The following DPYD variants were observed in gnomAD, a reference collection of about 807,000 sequenced individuals.
The protein encoded by DPYD is dihydropyrimidine dehydrogenase.
In DPYD, 109 loss-of-function variants were observed where a neutral mutation model predicts 116.2. The observed-to-expected ratio is 0.94, with a 90% CI of 0.80 to 1.10. The LOEUF (loss-of-function observed/expected upper bound fraction) is 1.10, where lower values mean the gene tolerates loss of function less well. Among genes scored for constraint, DPYD ranks in the 50% least tolerant of loss-of-function variants. The probability of loss-of-function intolerance (pLI) is 0.00; values close to 1 mark genes in which losing one functional copy is unlikely to be tolerated. For synonymous variants in DPYD, 440 were observed against 432.0 expected (o/e 1.02, Z -0.23); for missense variants, 1,302 against 1,254.5 (o/e 1.04, Z -0.57).
At chr1:97,822,460 T>C (rs2101454213) in intron 3 of DPYD, among the ~76,000 whole-genome samples, 1 of 150,340 alleles carries the variant, frequency 6.7e-6, no homozygotes, top group African/African-American at 2.4e-5. Context: ...AATTGCCTTG[T>C]CTATTGTCTT....
At chr1:97,551,933 A>G (rs1203005755) in intron 11 of DPYD, among the ~76,000 whole-genome samples, 2 of 152,130 alleles carry the variant, frequency 1.3e-5, no homozygotes, top group East Asian at 3.8e-4. Flanking sequence ...TATTAGATAT[A>G]CCATAAGTAA....
intron 16 of DPYD, among the ~76,000 whole-genome samples, chr1:97,344,763 G>T (rs1191379295): frequency 6.6e-6 from 1 of 151,848 alleles, no homozygotes; most frequent in African/African-American, 2.4e-5. Context: ...TTTGTCTCCA[G>T]TTGTGTTATT....
At chr1:97,175,722 C>T (rs184241625) in intron 20 of DPYD, among the ~76,000 whole-genome samples, 4 of 152,296 alleles carry the variant, frequency 2.6e-5, no homozygotes, top group Non-Finnish European at 5.9e-5. Context: ...ACCTAAACCA[C>T]CTAATGCATA....
In DPYD at chr1:97,173,234, G is replaced by A. The variant is rs575295213; in HGVS notation, c.2622+19835C>T. 4.0e-3 allele frequency among the ~76,000 whole-genome samples: 431 copies of A among 106,444 alleles called. 1 individual carries two copies. The highest frequency in any genetic ancestry group is 0.013 in the African/African-American group (379 of 29,410). 69.8% of individuals were successfully genotyped at this position (106,444 alleles called of 152,430 possible). ...TATACACATATACGTACATATATGCGCACACATATATGTACATATATGCAC... is the reference window on the plus strand; with the variant it reads ...TATACACATATACGTACATATATGCACACACATATATGTACATATATGCAC... On this transcript the variant is annotated intron_variant, in intron 20 of 22. Coordinates refer to ENST00000370192, the MANE Select transcript of DPYD (RefSeq NM_000110.4).
chr1:97,546,153 G>A lies in DPYD; in HGVS notation c.1524+3407C>T, dbSNP rs909898986. On this transcript the variant is annotated intron_variant, in intron 12 of 22. Transcript: ENST00000370192. Reference sequence around the variant, plus strand: ...TGAAAAGGAGCAGTCCTTCTGTGCTGCAGAGGAACAGCCAGCAGAAGATGG... The same window carrying A: ...TGAAAAGGAGCAGTCCTTCTGTGCTACAGAGGAACAGCCAGCAGAAGATGG... The A allele has an allele frequency of 1.8e-5, 25 of 1,427,426 alleles. No individual in the cohort carries two copies. In the African/African-American group the frequency reaches 2.9e-4, roughly 17 times the overall value. 88.4% of individuals were successfully genotyped at this position (1,427,426 alleles called of 1,614,324 possible). A position where few individuals can be genotyped will look rare whatever the true frequency, so the allele number is the denominator to read the frequency against.
intron 20 of DPYD, among the ~76,000 whole-genome samples, chr1:97,134,556 T>C (rs752307557): frequency 2.6e-5 from 4 of 152,182 alleles, no homozygotes; most frequent in African/African-American, 9.7e-5. Flanking sequence ...TTAACATTTA[T>C]GCCATTTTAC....
At chr1:97,107,087 C>T (rs1239623226) in intron 20 of DPYD, among the ~76,000 whole-genome samples, 3 of 152,088 alleles carry the variant, frequency 2.0e-5, no homozygotes, top group African/African-American at 7.2e-5. Context: ...GATCTTCACT[C>T]CCACACTGCC....
At chr1:97,774,900 TG>T in intron 3 of DPYD, 1 of 266,240 alleles carries the variant, frequency 3.8e-6, no homozygotes, top group Non-Finnish European at 8.1e-6. Context: ...AAAAACCTTT[TG>T]AATGTCCAAA....
At chr1:97,200,234 A>G (rs1377736775) in intron 19 of DPYD, among the ~76,000 whole-genome samples, 3 of 152,198 alleles carry the variant, frequency 2.0e-5, no homozygotes, top group African/African-American at 7.2e-5. Context: ...CTTATCATAC[A>G]GGTGGATAAA....
chr1:97,275,966 CT>C (rs5776359), intron 18 of DPYD, among the ~76,000 whole-genome samples: 1 of 151,690 alleles, frequency 6.6e-6, no homozygotes, highest in Admixed American at 6.6e-5. Context: ...CATTGGACCT[CT>C]TTTTTTTCTT....
At chr1:97,657,094 A>G (rs1658963728) in intron 8 of DPYD, among the ~76,000 whole-genome samples, 1 of 151,534 alleles carries the variant, frequency 6.6e-6, no homozygotes, top group Admixed American at 6.6e-5. Flanking sequence ...TAGCCTCCAC[A>G]GTAGCTGGGA....
At chr1:97,591,510 C>G (rs1654520269) in intron 10 of DPYD, among the ~76,000 whole-genome samples, 2 of 152,134 alleles carry the variant, frequency 1.3e-5, no homozygotes, top group African/African-American at 2.4e-5. Flanking sequence ...ATTCATACCG[C>G]TACCCTCTTC....
chr1:97,191,360 G>A lies in DPYD; in HGVS notation c.2622+1709C>T, dbSNP rs149497898. ...TCAGCCTGCACAGGAGAATCCAGAA[G>A]CACAAATCTATTACCAGACCATCTG... On this transcript the variant is annotated intron_variant, in intron 20 of 22. Coordinates refer to ENST00000370192, the MANE Select transcript of DPYD (RefSeq NM_000110.4). 4.6e-5 allele frequency among the ~76,000 whole-genome samples: 7 copies of A among 152,178 alleles called. No individual in the cohort carries two copies. The East Asian group carries it at 1.4e-3, about 29-fold the overall frequency.
At position 97,305,487 on chromosome 1, in the gene DPYD, CAT is replaced by C. The variant is rs992216665; in HGVS notation, c.2180-111_2180-110del. ...AATGCATTCTATTTTATCTTGAGAACATGTCTTCTCCTCAAAGTTCTTCACTA... is the reference window on the plus strand; with the variant it reads ...AATGCATTCTATTTTATCTTGAGAACGTCTTCTCCTCAAAGTTCTTCACTA... On this transcript the variant is annotated intron_variant, in intron 17 of 22. Transcript: ENST00000370192. 18 of 1,430,132 alleles carry C rather than the reference CAT, an allele frequency of 1.3e-5. No individual in the cohort carries two copies. In the African/African-American group the frequency reaches 1.7e-4, roughly 13 times the overall value. 88.6% of individuals were successfully genotyped at this position (1,430,132 alleles called of 1,614,324 possible). A position where few individuals can be genotyped will look rare whatever the true frequency, so the allele number is the denominator to read the frequency against.
intron 16 of DPYD, among the ~76,000 whole-genome samples, chr1:97,327,684 T>TA (rs1668775733): frequency 6.6e-6 from 1 of 152,014 alleles, no homozygotes; most frequent in East Asian, 1.9e-4. Context: ...TAAGCTTCTT[T>TA]AAAAATACTA....
chr1:97,910,405 T>C (rs930038772), intron 1 of DPYD, among the ~76,000 whole-genome samples: 2 of 152,064 alleles, frequency 1.3e-5, no homozygotes, highest in Non-Finnish European at 2.9e-5. Context: ...AGTCAAACAA[T>C]AGGTGGTAGC....
intron 3 of DPYD, chr1:97,797,228 T>A (rs1667617583): frequency 1.3e-5 from 2 of 152,096 alleles, no homozygotes; most frequent in Non-Finnish European, 2.9e-5. Context: ...TACAAACACA[T>A]ATATACACAA....
At chr1:97,411,634 G>A (rs1673999482) in intron 14 of DPYD, among the ~76,000 whole-genome samples, 2 of 152,050 alleles carry the variant, frequency 1.3e-5, no homozygotes, top group Admixed American at 1.3e-4. Flanking sequence ...TCATTCCTTT[G>A]CCTTAATATG....
intron 20 of DPYD, among the ~76,000 whole-genome samples, chr1:97,111,537 CAT>C (rs1651601029): frequency 6.6e-6 from 1 of 151,820 alleles, no homozygotes; most frequent in Non-Finnish European, 1.5e-5. Context: ...GGATCCTTCA[CAT>C]GTTTTAGGAC....
Sources: allele counts gnomAD v4.1 joint callset (sites outside exome capture counted in the v4.1 genomes callset), GRCh38; gene constraint gnomAD v4.1.1; transcripts MANE v1.5; gene names NCBI Gene and HGNC (gene_info 2026-07-23, HGNC 2026-07-21).